Variants in STIMATE observed in about 807,000 individuals in gnomAD.
STIMATE encodes store-operated calcium entry regulator STIMATE.
A neutral mutation model predicts 36.7 loss-of-function variants in STIMATE; 15 were observed. The ratio of observed to expected loss-of-function variants is 0.41; its 90% confidence interval spans 0.27 to 0.63. STIMATE has a LOEUF of 0.63. Among genes scored for constraint, STIMATE ranks in the 20% least tolerant of loss-of-function variants. The pLI, the probability that STIMATE is intolerant of heterozygous loss-of-function variation, is 0.32. For missense variants in STIMATE, 305 were observed against 397.3 expected (o/e 0.77, Z 1.98); for synonymous variants, 163 against 162.3 (o/e 1.00, Z -0.03).
In STIMATE at chr3:52,838,604, A is replaced by G. The variant is rs1700746376; in HGVS notation, c.*1890T>C. ...GTGGATGGGAGGGAGCACAAAGTCA[A>G]TCCGAGCAGGAATGACACCAGCAAA... is the stretch of plus-strand genomic sequence containing the variant. On this transcript the variant is annotated 3_prime_UTR_variant, in exon 8 of 8. Coordinates refer to ENST00000355083, the MANE Select transcript of STIMATE (RefSeq NM_198563.5). 1 of 152,234 alleles carries G rather than the reference A, an allele frequency of 6.6e-6. No individual in the cohort carries two copies. The highest frequency in any genetic ancestry group is 1.5e-5 in the Non-Finnish European group (1 of 68,066). 9.4% of individuals were successfully genotyped at this position (152,234 alleles called of 1,614,324 possible).
Position 52,837,774 on chromosome 3 carries a change from G to A in STIMATE, c.*2720C>T, listed in dbSNP as rs565515315. The A allele has an allele frequency of 1.3e-5, 2 of 152,310 alleles. No homozygotes were observed. The highest frequency in any genetic ancestry group is 4.1e-4 in the South Asian group (2 of 4,822). 9.4% of individuals were successfully genotyped at this position (152,310 alleles called of 1,614,324 possible). A position where few individuals can be genotyped will look rare whatever the true frequency, so the allele number is the denominator to read the frequency against. ...CCAACGTCCCACCATTTCTCAACAC[G>A]GTGATGGATGCCATGTGGCCAGGTG... On this transcript the variant is annotated 3_prime_UTR_variant, in exon 8 of 8. Coordinates refer to ENST00000355083, the MANE Select transcript of STIMATE (RefSeq NM_198563.5).
intron 1 of STIMATE, among the ~76,000 whole-genome samples, chr3:52,855,781 G>A (rs1297028703): frequency 6.6e-6 from 1 of 152,206 alleles, no homozygotes; most frequent in Non-Finnish European, 1.5e-5. Context: ...TTCAGGATGT[G>A]CTCTATCCAA....
intron 7 of STIMATE, 150 bp downstream of exon 7, chr3:52,842,661 G>A (rs1265506504): frequency 7.5e-6 from 11 of 1,465,758 alleles, no homozygotes; most frequent in Middle Eastern, 2.5e-4. Context: ...TCTGCCCCTC[G>A]CTCATCTCTG....
intron 4 of STIMATE, among the ~76,000 whole-genome samples, 170 bp downstream of exon 4, chr3:52,849,622 C>A (rs570816198): frequency 2.5e-5 from 2 of 80,820 alleles, no homozygotes; most frequent in South Asian, 7.7e-4. Flanking sequence ...GGCACCCACA[C>A]CCACAGGAGG....
chr3:52,853,005 T>C (rs77019418), intron 2 of STIMATE, among the ~76,000 whole-genome samples: 1,968 of 152,342 alleles, frequency 0.013, 47 homozygotes, highest in African/African-American at 0.046. Flanking sequence ...GGTGCCTCTA[T>C]TTTAAAGAGC....
chr3:52,889,509 C>T (rs1405088339), intron 1 of STIMATE, among the ~76,000 whole-genome samples: 1 of 152,236 alleles, frequency 6.6e-6, no homozygotes, highest in East Asian at 1.9e-4. Flanking sequence ...AGCTCTACCA[C>T]TTACTGGCTG....
chr3:52,864,659 CCCTTA>C (rs1310072189), intron 1 of STIMATE, among the ~76,000 whole-genome samples: 6 of 152,316 alleles, frequency 3.9e-5, no homozygotes, highest in East Asian at 1.9e-4. Context: ...TGCTCTGCTT[CCCTTA>C]CAAGACTGAA....
intron 1 of STIMATE, 99 bp from the exon 2 acceptor site, chr3:52,855,543 A>G: frequency 2.0e-6 from 3 of 1,535,124 alleles, no homozygotes; most frequent in Non-Finnish European, 2.7e-6. Context: ...TGTGTGTATA[A>G]CCAAGGTAAT....
intron 4 of STIMATE, among the ~76,000 whole-genome samples, chr3:52,845,155 C>G (rs1306790890): frequency 6.6e-6 from 1 of 152,190 alleles, no homozygotes; most frequent in Non-Finnish European, 1.5e-5. Flanking sequence ...TTTGAAGATA[C>G]TAAAATGGCC....
intron 1 of STIMATE, among the ~76,000 whole-genome samples, chr3:52,875,365 C>A (rs77014558): frequency 1.8e-4 from 27 of 152,144 alleles, no homozygotes; most frequent in Middle Eastern, 3.2e-3. Context: ...ACACGTGTAG[C>A]CCCTGGCCAG....
chr3:52,865,933 T>A (rs1278453367), intron 1 of STIMATE, among the ~76,000 whole-genome samples: 1 of 152,128 alleles, frequency 6.6e-6, no homozygotes, highest in South Asian at 2.1e-4. Context: ...TCACATGCTT[T>A]ACACGTTGTC....
At chr3:52,862,632 T>C (rs761471780) in intron 1 of STIMATE, among the ~76,000 whole-genome samples, 13 of 152,256 alleles carry the variant, frequency 8.5e-5, no homozygotes, top group South Asian at 6.2e-4. Flanking sequence ...TTCAATTTTA[T>C]ATTTAAGTGT....
intron 1 of STIMATE, among the ~76,000 whole-genome samples, chr3:52,879,719 C>T (rs1465053931): frequency 1.3e-5 from 2 of 152,230 alleles, no homozygotes; most frequent in African/African-American, 2.4e-5. Context: ...ACCACCATCA[C>T]ATGGCATGGA....
rs577675600 is a variant in STIMATE at position 52,876,613 on chromosome 3, G to A, written c.160+20678C>T. ...AGATCAAGAGGATGAAAACCATTAC[G>A]AACACAAGTTTTCATGATAATCCAC... On this transcript the variant is annotated intron_variant, in intron 1 of 7. Transcript: ENST00000355083. 1.2e-4 allele frequency among the ~76,000 whole-genome samples: 18 copies of A among 152,230 alleles called. No individual in the cohort carries two copies. The South Asian group carries it at 2.7e-3, about 23-fold the overall frequency.
rs1323474941 is a variant in STIMATE at position 52,837,508 on chromosome 3, G to C, written c.*2986C>G. 1 of 152,516 alleles carries C rather than the reference G, an allele frequency of 6.6e-6. No homozygotes were observed. Among genetic ancestry groups the C allele is most frequent in the Admixed American group, 6.5e-5 (1 of 15,280 alleles). 9.4% of individuals were successfully genotyped at this position (152,516 alleles called of 1,614,324 possible). A position where few individuals can be genotyped will look rare whatever the true frequency, so the allele number is the denominator to read the frequency against. ...GTGTGCAAGCTGAGTGGACCAAGAA[G>C]CCACCACCACCTGGATCTCACTAAC... On this transcript the variant is annotated 3_prime_UTR_variant, in exon 8 of 8. Transcript: ENST00000355083.
chr3:52,858,441 C>T (rs552445824), intron 1 of STIMATE, among the ~76,000 whole-genome samples: 28 of 151,858 alleles, frequency 1.8e-4, no homozygotes, highest in Non-Finnish European at 4.0e-4. Context: ...CGGGCAACAC[C>T]GTGAGACTCC....
At chr3:52,862,653 T>C (rs1329831115) in intron 1 of STIMATE, among the ~76,000 whole-genome samples, 1 of 152,250 alleles carries the variant, frequency 6.6e-6, no homozygotes, top group Non-Finnish European at 1.5e-5. Context: ...AAGAAGCATA[T>C]AGGTGAGTTT....
chr3:52,871,883 G>A (rs2106703847), intron 1 of STIMATE, among the ~76,000 whole-genome samples: 1 of 152,130 alleles, frequency 6.6e-6, no homozygotes, highest in Admixed American at 6.5e-5. Flanking sequence ...GAAACGGCAG[G>A]CTCCTTCTCT....
At chr3:52,859,502 CAAAAAA>C (rs34298807) in intron 1 of STIMATE, among the ~76,000 whole-genome samples, 3 of 15,644 alleles carry the variant, frequency 1.9e-4, no homozygotes, top group South Asian at 7.6e-3. Flanking sequence ...CCCATTTCTC[CAAAAAA>C]AAAAAAAAAA....
Sources: gnomAD v4.1 joint callset for allele counts (sites outside exome capture counted in the v4.1 genomes callset) on GRCh38, gnomAD v4.1.1 for gene constraint, MANE v1.5 for transcripts, NCBI Gene and HGNC (gene_info 2026-07-23, HGNC 2026-07-21) for gene names.